The following GALNT13 variants were observed in gnomAD, a reference collection of about 807,000 sequenced individuals.
The protein encoded by GALNT13 is polypeptide N-acetylgalactosaminyltransferase 13.
In GALNT13, 28 loss-of-function variants were observed where a neutral mutation model predicts 64.2. That is an observed-to-expected ratio of 0.44 (90% CI 0.32 to 0.60). The LOEUF is 0.60. Among genes scored for constraint, GALNT13 ranks in the 20% least tolerant of loss-of-function variants. The pLI, the probability that GALNT13 is intolerant of heterozygous loss-of-function variation, is 0.05. For synonymous variants in GALNT13, 214 were observed against 224.6 expected, an observed-to-expected ratio of 0.95 and a Z score of 0.42; for missense variants, 577 against 669.8, an observed-to-expected ratio of 0.86 and a Z score of 1.53.
the GALNT13 span, among the ~76,000 whole-genome samples, chr2:153,662,597 CT>C: frequency 7.9e-5 from 12 of 152,142 alleles, no homozygotes; most frequent in African/African-American, 2.9e-4. Context: ...TAAGCACCAA[CT>C]TGTCTGATTG....
intron 4 of GALNT13, among the ~76,000 whole-genome samples, chr2:154,170,871 T>G (rs1030217831): frequency 3.9e-5 from 6 of 152,170 alleles, no homozygotes; most frequent in African/African-American, 1.4e-4. Flanking sequence ...AAGAAATGAT[T>G]GATTTTTAAA....
chr2:153,241,585 A>T, the GALNT13 span, among the ~76,000 whole-genome samples: 1 of 152,064 alleles, frequency 6.6e-6, no homozygotes, highest in Non-Finnish European at 1.5e-5. Context: ...AGCTGCAGAG[A>T]AAAGGAGCCC....
chr2:153,414,280 CAGG>C, the GALNT13 span, among the ~76,000 whole-genome samples: 1 of 151,656 alleles, frequency 6.6e-6, no homozygotes, highest in East Asian at 1.9e-4. Flanking sequence ...GAGGCTGAGG[CAGG>C]AGAATTGCTT....
the GALNT13 span, among the ~76,000 whole-genome samples, chr2:153,755,643 T>G: frequency 2.6e-5 from 4 of 152,210 alleles, no homozygotes; most frequent in East Asian, 7.7e-4. Flanking sequence ...ATTTTGTATA[T>G]TAACCCCTTA....
the GALNT13 span, among the ~76,000 whole-genome samples, chr2:153,587,232 CAAAAAAAAA>C: frequency 0.089 from 11,557 of 129,602 alleles, 529 homozygotes; most frequent in Non-Finnish European, 0.12. Context: ...GACTCTGTCT[CAAAAAAAAA>C]AAAAAAATTA....
At chr2:154,053,596 AAAC>A (rs1230994105) in intron 3 of GALNT13, among the ~76,000 whole-genome samples, 3 of 152,206 alleles carry the variant, frequency 2.0e-5, no homozygotes, top group Non-Finnish European at 4.4e-5. Flanking sequence ...AAGACTAACT[AAAC>A]AATAGTGCCT....
At chr2:153,716,533 C>T in the GALNT13 span, among the ~76,000 whole-genome samples, 161 of 152,064 alleles carry the variant, frequency 1.1e-3, no homozygotes, top group Middle Eastern at 3.2e-3. Context: ...AATGACATTT[C>T]ATTCTGAAGT....
chr2:153,747,422 G>GTTTTTTTT, the GALNT13 span, among the ~76,000 whole-genome samples: 16 of 93,750 alleles, frequency 1.7e-4, 1 homozygote, highest in African/African-American at 7.6e-4. Flanking sequence ...AGTGCCTTTG[G>GTTTTTTTT]TTTTTTTTTT....
chr2:153,169,151 C>T, the GALNT13 span, among the ~76,000 whole-genome samples: 2 of 152,214 alleles, frequency 1.3e-5, no homozygotes, highest in African/African-American at 4.8e-5. Flanking sequence ...TGCACCATAC[C>T]TATTTGTCAC....
chr2:153,514,214 C>T, the GALNT13 span, among the ~76,000 whole-genome samples: 6 of 152,122 alleles, frequency 3.9e-5, no homozygotes, highest in Non-Finnish European at 8.8e-5. Context: ...CTTGCCATGA[C>T]ATTCCAGCTT....
the GALNT13 span, among the ~76,000 whole-genome samples, chr2:153,332,376 T>C: frequency 1.3e-5 from 2 of 152,176 alleles, no homozygotes; most frequent in African/African-American, 4.8e-5. Flanking sequence ...GCTGTATAAT[T>C]GTTTTCACTT....
the GALNT13 span, among the ~76,000 whole-genome samples, chr2:153,819,630 C>T: frequency 2.6e-5 from 4 of 152,210 alleles, no homozygotes; most frequent in Admixed American, 6.5e-5. Context: ...ACAGAGAACA[C>T]CTCACAGTAA....
chr2:154,417,513 A>ATTTTTTTTTTTTTTTTTTTT (rs1387223429), intron 11 of GALNT13, among the ~76,000 whole-genome samples: 1 of 130,286 alleles, frequency 7.7e-6, no homozygotes, highest in African/African-American at 3.3e-5. Flanking sequence ...TTATTTATTT[A>ATTTTTTTTTTTTTTTTTTTT]TTTATTTATT....
At chr2:154,016,694 G>T (rs1320798183) in intron 3 of GALNT13, among the ~76,000 whole-genome samples, 1 of 152,176 alleles carries the variant, frequency 6.6e-6, no homozygotes, top group East Asian at 1.9e-4. Context: ...GGGATTACAG[G>T]CATGAGCCAC....
At chr2:154,142,544 T>C in intron 4 of GALNT13, among the ~76,000 whole-genome samples, 1 of 105,556 alleles carries the variant, frequency 9.5e-6, no homozygotes, top group Admixed American at 1.2e-4. Context: ...AGCGAAACTC[T>C]GTCTCAAAAA....
intron 8 of GALNT13, among the ~76,000 whole-genome samples, chr2:154,267,857 G>T (rs1050020592): frequency 6.6e-6 from 1 of 152,106 alleles, no homozygotes; most frequent in African/African-American, 2.4e-5. Flanking sequence ...CACTAAGAAA[G>T]GTCTACAAAT....
At chr2:153,554,197 G>C in the GALNT13 span, among the ~76,000 whole-genome samples, 2 of 151,818 alleles carry the variant, frequency 1.3e-5, no homozygotes, top group South Asian at 2.1e-4. Context: ...CGTGGTGATG[G>C]GTGCCTGTAG....
At chr2:153,225,544 A>C in the GALNT13 span, among the ~76,000 whole-genome samples, 1 of 152,166 alleles carries the variant, frequency 6.6e-6, no homozygotes, top group African/African-American at 2.4e-5. Flanking sequence ...GAAAGAAATA[A>C]AGTTTATTTT....
chr2:154,150,258 T>C (rs1237612726), intron 4 of GALNT13, among the ~76,000 whole-genome samples: 4 of 152,184 alleles, frequency 2.6e-5, no homozygotes, highest in Admixed American at 2.6e-4. Flanking sequence ...TGAACCAGCC[T>C]TGCATCCCAG....
Sources: allele counts gnomAD v4.1 joint callset (sites outside exome capture counted in the v4.1 genomes callset), GRCh38; gene constraint gnomAD v4.1.1; transcripts MANE v1.5; gene names NCBI Gene and HGNC (gene_info 2026-07-23, HGNC 2026-07-21).